The following ZDHHC6 variants were observed in gnomAD, a reference collection of about 807,000 sequenced individuals.
The protein encoded by ZDHHC6 is palmitoyltransferase ZDHHC6.
A neutral mutation model predicts 57.8 loss-of-function variants in ZDHHC6; 32 were observed. That is an observed-to-expected ratio of 0.55 (90% CI 0.42 to 0.74). ZDHHC6 has a LOEUF of 0.74. Among genes scored for constraint, ZDHHC6 ranks in the 30% least tolerant of loss-of-function variants. The pLI is 0.00. For missense variants in ZDHHC6, 433 were observed against 500.7 expected (o/e 0.86, Z 1.29); for synonymous variants, 128 against 158.0 (o/e 0.81, Z 1.42).
rs756062307 is a variant in ZDHHC6 at position 112,440,641 on chromosome 10, G to T, written c.574C>A (p.Pro192Thr). ...KIDMSAARRD[P>T]LPIVPFGLAA... ...AATCCAAATGGAACAATTGGAAGAG[G>T]ATCTCTCCGGGCTGCACTCATGTCG... Residue 192 changes from proline to threonine, a missense_variant, in exon 5 of 11, where the codon CCT (proline) becomes ACT (threonine). Coordinates refer to ENST00000369405, the MANE Select transcript of ZDHHC6 (RefSeq NM_022494.3). 3.8e-5 allele frequency: 61 copies of T among 1,613,836 alleles called. No individual in the cohort carries two copies. The highest frequency in any genetic ancestry group is 5.0e-5 in the Non-Finnish European group (59 of 1,179,944).
chr10:112,424,641 G>T (rs928404365), exon 12 of ZDHHC6: 1 of 152,224 alleles, frequency 6.6e-6, no homozygotes, highest in African/African-American at 2.4e-5. Flanking sequence ...AGTCGGCCTT[G>T]TGATAGTTCC....
Position 112,434,301 on chromosome 10 carries a change from A to C in ZDHHC6, c.899T>G (p.Leu300Ter). ...PVREGCHQYS[L>*]TIEQLKQKAD... is the part of the protein sequence containing the mutation. ...TATTTGAACAAAAATACTCACTGTT[A>C]AGCTGTATTGGTGACAGCCTTCTCT... The change falls in exon 7 of 11, where the codon TTA (leucine) becomes TGA (stop). Residue 300 changes from leucine (L) to a stop codon, truncating the protein, a stop_gained. Transcript: ENST00000369405. LOFTEE classifies it high-confidence loss of function. 1 of 1,605,892 alleles carries C rather than the reference A, an allele frequency of 6.2e-7. No individual in the cohort carries two copies. The highest frequency in any genetic ancestry group is 8.5e-7 in the Non-Finnish European group (1 of 1,176,556).
downstream of ZDHHC6, chr10:112,425,595 T>TAAA (rs71489969): frequency 0.012 from 6,230 of 536,354 alleles, 14 homozygotes; most frequent in Non-Finnish European, 0.013. Context: ...CTTATAAAAC[T>TAAA]AAAAAAAAAA....
downstream of ZDHHC6, chr10:112,426,964 G>A: frequency 9.0e-7 from 1 of 1,115,546 alleles, no homozygotes; most frequent in Non-Finnish European, 1.3e-6. Flanking sequence ...ATTGATTTTA[G>A]ATTTTGTGCC....
chr10:112,440,530 T>TTA lies in ZDHHC6; in HGVS notation c.681+2_681+3dup. The TTA allele has an allele frequency of 1.9e-6, 3 of 1,612,272 alleles. No individual in the cohort carries two copies. The highest frequency in any genetic ancestry group is 1.7e-6 in the Non-Finnish European group (2 of 1,178,844). ...TTTTGACTTGAGGTAATTGAGATGC[T>TTA]TACCTGGATAAAAAACAACATCCCA... On this transcript the variant is annotated splice_donor_region_variant and intron_variant, in intron 5 of 10. Coordinates refer to ENST00000369405, the MANE Select transcript of ZDHHC6 (RefSeq NM_022494.3).
intron 7 of ZDHHC6, among the ~76,000 whole-genome samples, chr10:112,433,892 G>T (rs999598921): frequency 6.6e-6 from 1 of 152,108 alleles, no homozygotes; most frequent in Admixed American, 6.6e-5. Context: ...TGAGTCTATG[G>T]GGGTAGGTTA....
chr10:112,447,471 A>G (rs1846905546), upstream of ZDHHC6: 1 of 1,613,046 alleles, frequency 6.2e-7, no homozygotes, highest in Non-Finnish European at 8.5e-7. Context: ...CCGCCTGGTG[A>G]GAGCCTTGCC....
At chr10:112,426,111 A>C, downstream of ZDHHC6, 1 of 605,506 alleles carries the variant, frequency 1.7e-6, no homozygotes. Flanking sequence ...TGTTGAAAAT[A>C]TATGGTGAGA....
chr10:112,434,764 T>C (rs1029083301), intron 6 of ZDHHC6, among the ~76,000 whole-genome samples: 2 of 152,218 alleles, frequency 1.3e-5, no homozygotes, highest in African/African-American at 4.8e-5. Flanking sequence ...TAAAAAGTCC[T>C]CAATGCTCCT....
At chr10:112,436,091 C>T (rs1845500443) in intron 6 of ZDHHC6, among the ~76,000 whole-genome samples, 1 of 152,146 alleles carries the variant, frequency 6.6e-6, no homozygotes, top group Non-Finnish European at 1.5e-5. Context: ...TGCAAGGATA[C>T]AGAAGCATAA....
chr10:112,440,182 A>G (rs139833314), intron 5 of ZDHHC6, among the ~76,000 whole-genome samples: 1 of 151,650 alleles, frequency 6.6e-6, no homozygotes, highest in African/African-American at 2.4e-5. Flanking sequence ...CTTTTTGAGA[A>G]TCAATGAATT....
chr10:112,438,423 C>T (rs1001067276), intron 5 of ZDHHC6, 34 bp from the exon 6 acceptor site: 50 of 1,320,472 alleles, frequency 3.8e-5, no homozygotes, highest in Middle Eastern at 1.9e-4. Flanking sequence ...TTTAATAATG[C>T]GACCTTGGTT....
chr10:112,447,138 G>A (rs1846853504), upstream of ZDHHC6: 2 of 525,950 alleles, frequency 3.8e-6, no homozygotes, highest in African/African-American at 1.9e-5. Context: ...TTTCCTTTGC[G>A]AACTTACTTA....
chr10:112,442,867 A>G (rs1294885172), intron 3 of ZDHHC6, among the ~76,000 whole-genome samples: 4 of 152,196 alleles, frequency 2.6e-5, no homozygotes, highest in Non-Finnish European at 5.9e-5. Context: ...AATATAAGAT[A>G]TGGTATAATA....
chr10:112,443,499 C>A lies in ZDHHC6; in HGVS notation c.359+16G>T, dbSNP rs981278602. On this transcript the variant is annotated intron_variant, in intron 3 of 10. Coordinates refer to ENST00000369405, the MANE Select transcript of ZDHHC6 (RefSeq NM_022494.3). ...TAGTTGATCAGTCCTCGCTGAACAG[C>A]AAGAAAGACAGGTACCTGTTACACT... 2.7e-5 allele frequency: 44 copies of A among 1,611,076 alleles called. No homozygotes were observed. The highest frequency in any genetic ancestry group is 3.3e-5 in the Non-Finnish European group (39 of 1,177,734).
At chr10:112,434,531 G>A in intron 6 of ZDHHC6, 67 bp from the exon 7 acceptor site, 1 of 1,428,454 alleles carries the variant, frequency 7.0e-7, no homozygotes, top group Non-Finnish European at 9.4e-7. Context: ...ATATGTTATT[G>A]AGAACACTTA....
At chr10:112,430,038 G>A (rs1453757525), downstream of ZDHHC6, among the ~76,000 whole-genome samples, 7 of 152,134 alleles carry the variant, frequency 4.6e-5, no homozygotes, top group Non-Finnish European at 1.0e-4. Flanking sequence ...CCGCAGCCAC[G>A]GCTGGACAGC....
downstream of ZDHHC6, chr10:112,425,426 T>C (rs1408584473): frequency 2.5e-6 from 4 of 1,613,518 alleles, no homozygotes; most frequent in Non-Finnish European, 3.4e-6. Context: ...ATAGAAAATA[T>C]CTACAACAGG....
At chr10:112,435,167 A>G (rs1845408934) in intron 6 of ZDHHC6, among the ~76,000 whole-genome samples, 1 of 152,210 alleles carries the variant, frequency 6.6e-6, no homozygotes, top group South Asian at 2.1e-4. Context: ...TTAAACTGTT[A>G]GCTTTAACTT....
Sources: gnomAD v4.1 joint callset for allele counts (sites outside exome capture counted in the v4.1 genomes callset) on GRCh38, gnomAD v4.1.1 for gene constraint, MANE v1.5 for transcripts, NCBI Gene and HGNC (gene_info 2026-07-23, HGNC 2026-07-21) for gene names.